The following ANKHD1 variants were observed in gnomAD, a reference collection of about 807,000 sequenced individuals.
ANKHD1 encodes ankyrin repeat and KH domain containing 1.
ANKHD1 carries 31 observed loss-of-function variants against 230.5 expected under a neutral mutation model. That is an observed-to-expected ratio of 0.13 (90% CI 0.10 to 0.18). The LOEUF (loss-of-function observed/expected upper bound fraction) is 0.18. Ranked by LOEUF, ANKHD1 falls within the 10% of genes least tolerant of loss-of-function variation. The pLI is 1.00. For missense variants in ANKHD1, 2,256 were observed against 3,071.3 expected (o/e 0.73, Z 6.27); for synonymous variants, 1,074 against 1,117.6 (o/e 0.96, Z 0.78).
At chr5:140,412,645 A>G (rs1410984713) in intron 1 of ANKHD1, among the ~76,000 whole-genome samples, 3 of 152,230 alleles carry the variant, frequency 2.0e-5, no homozygotes, top group Non-Finnish European at 4.4e-5. Context: ...ATAGAAAGGC[A>G]TATGCCCAAC....
intron 10 of ANKHD1, among the ~76,000 whole-genome samples, chr5:140,467,971 C>A (rs961993793): frequency 3.3e-5 from 5 of 151,360 alleles, no homozygotes; most frequent in African/African-American, 1.2e-4. Context: ...CTGTCCATCC[C>A]CCATTGCATG....
In ANKHD1 at chr5:140,485,713, C is replaced by T; in HGVS notation, c.2123C>T (p.Pro708Leu). 6.2e-7 allele frequency: 1 copy of T among 1,614,008 alleles called. No individual in the cohort carries two copies. The highest frequency in any genetic ancestry group is 8.5e-7 in the Non-Finnish European group (1 of 1,179,970). The part of the protein sequence containing the change: ...PTTDVSQLPP[P>L]SQDQSQVPRV... ...ACAGATGTGTCTCAGCTCCCTCCAC[C>T]TTCTCAAGATCAGTCTCAGGTAAAG... Residue 708 changes from proline to leucine, a missense_variant, in exon 13 of 34, where the codon CCT becomes CTT. Coordinates refer to ENST00000360839, the MANE Select transcript of ANKHD1 (RefSeq NM_017747.3). This position sits in a 1 kb window ranked among gnomAD's most constrained non-coding sequence, Gnocchi z 4.8.
intron 5 of ANKHD1, among the ~76,000 whole-genome samples, chr5:140,443,983 A>G (rs1266352955): frequency 6.6e-6 from 1 of 152,006 alleles, no homozygotes; most frequent in Non-Finnish European, 1.5e-5. Flanking sequence ...AGTTCTTTGG[A>G]AGACAGTTTG....
intron 1 of ANKHD1, among the ~76,000 whole-genome samples, chr5:140,402,990 T>G: frequency 6.9e-6 from 1 of 145,340 alleles, no homozygotes; most frequent in South Asian, 2.2e-4. Context: ...TTTTTTTTTT[T>G]GAGATGGAGT....
At chr5:140,539,216 G>C (rs747572193) in intron 33 of ANKHD1, 133 bp downstream of exon 33, 1 of 1,520,060 alleles carries the variant, frequency 6.6e-7, no homozygotes, top group South Asian at 1.3e-5. Flanking sequence ...TCAATATCAA[G>C]ATGATGCTAC....
In ANKHD1 at chr5:140,510,281, A is replaced by G. The variant is rs1752700844; in HGVS notation, c.4104+100A>G. The G allele has an allele frequency of 3.8e-6, 5 of 1,314,862 alleles. No homozygotes were observed. The East Asian group carries it at 1.0e-4, about 27-fold the overall frequency. The allele number at this position is 1,314,862 out of a possible 1,614,324, so 81.4% of individuals were successfully genotyped here. On this transcript the variant is annotated intron_variant, in intron 22 of 33. Transcript: ENST00000360839. The stretch of plus-strand genomic sequence containing the variant: ...ATCTTGGAGAATTGAGTATATTTCC[A>G]TAGAAAAATCACTGCTATCTTTCCA...
intron 9 of ANKHD1, 92 bp from the exon 10 acceptor site, chr5:140,464,575 T>G: frequency 9.2e-7 from 1 of 1,088,282 alleles, no homozygotes; most frequent in Non-Finnish European, 1.2e-6. Context: ...TTTTCACATT[T>G]TGAATTCTTC....
At chr5:140,432,896 A>C (rs914043821) in intron 1 of ANKHD1, among the ~76,000 whole-genome samples, 2 of 152,056 alleles carry the variant, frequency 1.3e-5, no homozygotes, top group African/African-American at 4.8e-5. Context: ...TAGAGACAAG[A>C]TCTCACTAGG....
At chr5:140,533,321 G>C (rs111284169) in intron 29 of ANKHD1, among the ~76,000 whole-genome samples, 1 of 151,972 alleles carries the variant, frequency 6.6e-6, no homozygotes, top group African/African-American at 2.4e-5. Context: ...GTGTGGGACC[G>C]GGCACGGTGG....
At position 140,524,177 on chromosome 5, in the gene ANKHD1, A is replaced by T. The variant is rs1315392451; in HGVS notation, c.4429A>T (p.Asn1477Tyr). 6.2e-7 allele frequency: 1 copy of T among 1,600,970 alleles called. No homozygotes were observed. Among genetic ancestry groups the T allele is most frequent in the Non-Finnish European group, 8.5e-7 (1 of 1,176,910 alleles). Residue 1477 changes from asparagine (N) to tyrosine (Y), a missense_variant, in exon 25 of 34, where the codon AAC becomes TAC. By Grantham distance (143) the Asn-to-Tyr change is moderately radical (BLOSUM62 -2). Coordinates refer to ENST00000360839, the MANE Select transcript of ANKHD1 (RefSeq NM_017747.3). ...QKRKQEEDEE[N>Y]KPKENSELPE... ...AAGGAAACAGGAAGAAGATGAAGAA[A>T]ACAAACCTAAGGAGAATTCGGAACT...
At chr5:140,473,733 T>C (rs932873947) in intron 10 of ANKHD1, among the ~76,000 whole-genome samples, 1 of 152,248 alleles carries the variant, frequency 6.6e-6, no homozygotes, top group African/African-American at 2.4e-5. Context: ...CTACTCAGTT[T>C]GTATAATATT....
At chr5:140,443,428 C>A (rs150215532) in intron 5 of ANKHD1, among the ~76,000 whole-genome samples, 426 of 151,904 alleles carry the variant, frequency 2.8e-3, no homozygotes, top group African/African-American at 9.5e-3. Flanking sequence ...TGGTGGCTCA[C>A]GCCTGTAATC....
chr5:140,464,966 C>G, intron 10 of ANKHD1, 190 bp downstream of exon 10: 1 of 412,886 alleles, frequency 2.4e-6, no homozygotes, highest in Non-Finnish European at 3.9e-6. Flanking sequence ...ACAGGGCATA[C>G]TGTTTCTTTT....
intron 10 of ANKHD1, among the ~76,000 whole-genome samples, chr5:140,479,780 ATG>A (rs1460255353): frequency 2.0e-5 from 3 of 149,636 alleles, no homozygotes; most frequent in Admixed American, 6.7e-5. Flanking sequence ...ATGCGTATAT[ATG>A]TGTGTGTGTA....
chr5:140,533,024 G>C (rs1444359779), intron 29 of ANKHD1: 3 of 195,892 alleles, frequency 1.5e-5, no homozygotes, highest in African/African-American at 7.3e-5. Context: ...CTTGAACCTG[G>C]GAGGCAGAGG....
At chr5:140,508,285 T>A (rs1226529425) in intron 20 of ANKHD1, among the ~76,000 whole-genome samples, 10 of 152,234 alleles carry the variant, frequency 6.6e-5, no homozygotes, top group African/African-American at 2.4e-4. Flanking sequence ...GATTATTTTG[T>A]ATTAACTCTT....
At position 140,479,736 on chromosome 5, in the gene ANKHD1, A is replaced by G. The variant is rs905372331; in HGVS notation, c.1783-2844A>G. 1.0e-3 allele frequency among the ~76,000 whole-genome samples: 155 copies of G among 149,618 alleles called. 2 individuals are homozygous for G. Among genetic ancestry groups the G allele is most frequent in the South Asian group, 6.3e-4 (3 of 4,780 alleles). On this transcript the variant is annotated intron_variant, in intron 10 of 33. Coordinates refer to ENST00000360839, the MANE Select transcript of ANKHD1 (RefSeq NM_017747.3). ...TCCCATTATATACATACATAGGTAT[A>G]TATATATACTTATATATATACCTAT...
At chr5:140,531,323 G>A (rs759307094) in intron 29 of ANKHD1, 8 of 423,300 alleles carry the variant, frequency 1.9e-5, no homozygotes, top group Admixed American at 1.6e-4. Context: ...GTTCATGCCT[G>A]TAATCCCAGC....
intron 22 of ANKHD1, among the ~76,000 whole-genome samples, chr5:140,511,023 G>C (rs1752743562): frequency 6.6e-6 from 1 of 151,858 alleles, no homozygotes; most frequent in Non-Finnish European, 1.5e-5. Flanking sequence ...ACGAGGTCTT[G>C]CTATGTTGCC....
Sources: gnomAD v4.1 joint callset for allele counts (sites outside exome capture counted in the v4.1 genomes callset) on GRCh38, gnomAD v4.1.1 for gene constraint, Gnocchi (gnomAD v3.1) non-coding constraint, MANE v1.5 for transcripts, NCBI Gene and HGNC (gene_info 2026-07-23, HGNC 2026-07-21) for gene names.